The following ATP10B variants were observed in gnomAD, a reference collection of about 807,000 sequenced individuals.
ATP10B encodes the protein phospholipid-transporting ATPase VB.
ATP10B carries 122 observed loss-of-function variants against 141.2 expected under a neutral mutation model. The ratio of observed to expected loss-of-function variants is 0.86; its 90% confidence interval spans 0.75 to 1.00. The LOEUF is 1.00. Among genes scored for constraint, ATP10B ranks in the 50% least tolerant of loss-of-function variants. The probability of loss-of-function intolerance (pLI) is 0.00; values close to 1 mark genes in which losing one functional copy is unlikely to be tolerated. For synonymous variants in ATP10B, 685 were observed against 692.0 expected, an observed-to-expected ratio of 0.99 and a Z score of 0.16; for missense variants, 1,876 against 1,825.3, an observed-to-expected ratio of 1.03 and a Z score of -0.51.
At chr5:160,747,871 A>G (rs1168863158) in intron 2 of ATP10B, among the ~76,000 whole-genome samples, 1 of 151,616 alleles carries the variant, frequency 6.6e-6, no homozygotes, top group African/African-American at 2.4e-5. Flanking sequence ...TTCTCTTCTA[A>G]TTCATCTTCT....
At chr5:160,849,741 C>A (rs1205106904) in intron 1 of ATP10B, among the ~76,000 whole-genome samples, 1 of 151,978 alleles carries the variant, frequency 6.6e-6, no homozygotes, top group East Asian at 1.9e-4. Flanking sequence ...ATTCCAAAGC[C>A]CGTTTTTTTT....
chr5:160,627,363 C>A, intron 13 of ATP10B, among the ~76,000 whole-genome samples: 1 of 152,202 alleles, frequency 6.6e-6, no homozygotes, highest in Non-Finnish European at 1.5e-5. Context: ...GAGCAATGTT[C>A]TATTAGACTT....
At chr5:160,812,505 C>T (rs1773248192) in intron 1 of ATP10B, among the ~76,000 whole-genome samples, 1 of 152,052 alleles carries the variant, frequency 6.6e-6, no homozygotes, top group South Asian at 2.1e-4. Flanking sequence ...ATCAGGATAA[C>T]ACAGAGAAGG....
chr5:160,911,325 C>T, the ATP10B span, among the ~76,000 whole-genome samples: 1 of 152,134 alleles, frequency 6.6e-6, no homozygotes, highest in Admixed American at 6.5e-5. Flanking sequence ...CTCCACATAC[C>T]CTAGGTTTTA....
intron 6 of ATP10B, 110 bp downstream of exon 6, chr5:160,685,969 T>C: frequency 1.1e-6 from 1 of 890,636 alleles, no homozygotes. Context: ...AATCAGTGAA[T>C]TAAATAATTT....
At chr5:160,667,412 G>C (rs1315351134) in intron 7 of ATP10B, among the ~76,000 whole-genome samples, 1 of 152,030 alleles carries the variant, frequency 6.6e-6, no homozygotes, top group Non-Finnish European at 1.5e-5. Context: ...TTTGAGGATA[G>C]ACGAGATAAT....
chr5:160,667,668 C>A (rs192730499), intron 7 of ATP10B, among the ~76,000 whole-genome samples: 2 of 152,278 alleles, frequency 1.3e-5, no homozygotes, highest in Admixed American at 1.3e-4. Flanking sequence ...TGGAGAGACT[C>A]ATTAAATAGG....
At chr5:160,708,879 C>T (rs1164175523) in intron 3 of ATP10B, among the ~76,000 whole-genome samples, 1 of 151,992 alleles carries the variant, frequency 6.6e-6, no homozygotes, top group African/African-American at 2.4e-5. Context: ...GATTAAAGAC[C>T]CCTTAGAGAC....
At chr5:160,679,603 G>A (rs777130678) in intron 6 of ATP10B, among the ~76,000 whole-genome samples, 2 of 152,210 alleles carry the variant, frequency 1.3e-5, no homozygotes, top group East Asian at 1.9e-4. Flanking sequence ...GTAGGCTACC[G>A]AAGCACGTGG....
At chr5:160,700,916 C>G (rs946123116) in intron 3 of ATP10B, among the ~76,000 whole-genome samples, 1 of 152,140 alleles carries the variant, frequency 6.6e-6, no homozygotes, top group African/African-American at 2.4e-5. Context: ...GAATGGCAAC[C>G]CTACCCTTTC....
rs1759011302 is a variant in ATP10B at position 160,632,570 on chromosome 5, G to A, written c.1382-203C>T. ...TCAAACTCTAGTGGACTACCTACTA[G>A]TTATGTGACTTTGAGCTTTGACATA... On this transcript the variant is annotated intron_variant, in intron 12 of 25. Transcript: ENST00000327245. The A allele has an allele frequency of 8.5e-5, 29 of 340,920 alleles. No individual in the cohort carries two copies. In the East Asian group the frequency reaches 1.4e-3, roughly 16 times the overall value. 21.1% of individuals were successfully genotyped at this position (340,920 alleles called of 1,614,324 possible).
chr5:160,623,281 C>T (rs1758449256), intron 13 of ATP10B, among the ~76,000 whole-genome samples: 1 of 152,202 alleles, frequency 6.6e-6, no homozygotes, highest in African/African-American at 2.4e-5. Context: ...GTCTCTTTCT[C>T]CTGAACCACA....
the ATP10B span, among the ~76,000 whole-genome samples, chr5:160,865,473 A>T: frequency 6.6e-6 from 1 of 152,200 alleles, no homozygotes; most frequent in Non-Finnish European, 1.5e-5. Context: ...TACAAATTCT[A>T]GAAGATAACA....
intron 1 of ATP10B, among the ~76,000 whole-genome samples, chr5:160,823,486 G>A (rs934341672): frequency 1.3e-5 from 2 of 152,092 alleles, no homozygotes; most frequent in African/African-American, 4.8e-5. Context: ...AACCACCGTG[G>A]CACACATTTA....
At chr5:160,900,908 G>GTTTTTTTT in the ATP10B span, among the ~76,000 whole-genome samples, 11 of 88,954 alleles carry the variant, frequency 1.2e-4, no homozygotes, top group African/African-American at 3.8e-4. Flanking sequence ...GGGTAGAGAA[G>GTTTTTTTT]TTTTTTTTTT....
intron 1 of ATP10B, among the ~76,000 whole-genome samples, chr5:160,835,201 A>T (rs553125665): frequency 1.3e-5 from 2 of 152,242 alleles, no homozygotes; most frequent in South Asian, 4.1e-4. Context: ...GTGACAAAAA[A>T]ATAACTCGAG....
chr5:160,844,629 T>C (rs182925612), intron 1 of ATP10B, among the ~76,000 whole-genome samples: 1 of 152,136 alleles, frequency 6.6e-6, no homozygotes, highest in East Asian at 1.9e-4. Flanking sequence ...CACTGTAATG[T>C]CCACCTCCCG....
chr5:160,745,985 C>A (rs1767781859), intron 2 of ATP10B, among the ~76,000 whole-genome samples: 1 of 152,194 alleles, frequency 6.6e-6, no homozygotes, highest in Non-Finnish European at 1.5e-5. Context: ...TTCTCTGTAT[C>A]CTTGTTAATG....
chr5:160,801,032 G>A (rs1158793788), intron 1 of ATP10B, among the ~76,000 whole-genome samples: 1 of 152,178 alleles, frequency 6.6e-6, no homozygotes, highest in Non-Finnish European at 1.5e-5. Context: ...ATCTCCTAGA[G>A]TTATTTTCAG....
Sources: gnomAD v4.1 joint callset for allele counts (sites outside exome capture counted in the v4.1 genomes callset) on GRCh38, gnomAD v4.1.1 for gene constraint, MANE v1.5 for transcripts, NCBI Gene and HGNC (gene_info 2026-07-23, HGNC 2026-07-21) for gene names.